RCC1: variants seen among roughly 807,000 people sequenced by gnomAD.
RCC1 encodes the protein regulator of chromosome condensation 1.
Under a neutral mutation model 44.4 loss-of-function variants are expected in RCC1, and 11 were observed. The ratio of observed to expected loss-of-function variants is 0.25; its 90% CI spans 0.16 to 0.41. The LOEUF (loss-of-function observed/expected upper bound fraction) is 0.41, where lower values mean the gene tolerates loss of function less well. Among genes scored for constraint, RCC1 ranks in the 10% least tolerant of loss-of-function variants. The pLI, the probability that RCC1 is intolerant of heterozygous loss-of-function variation, is 1.00. For synonymous variants in RCC1, 213 were observed against 216.5 expected (o/e 0.98, Z 0.14); for missense variants, 386 against 547.1 (o/e 0.71, Z 2.94).
chr1:28,529,693 T>C (rs1487623946), intron 4 of RCC1, among the ~76,000 whole-genome samples, 165 bp from the exon 5 acceptor site: 1 of 149,372 alleles, frequency 6.7e-6, no homozygotes, highest in Non-Finnish European at 1.5e-5. Context: ...TTTGTGTAAT[T>C]AATCTGTGGG....
intron 4 of RCC1, among the ~76,000 whole-genome samples, chr1:28,528,139 G>A (rs938065540): frequency 6.6e-6 from 1 of 151,898 alleles, no homozygotes; most frequent in African/African-American, 2.4e-5. Context: ...GGCCAACATG[G>A]TGAAACCCCG....
intron 7 of RCC1, among the ~76,000 whole-genome samples, chr1:28,534,656 T>C (rs1335126034): frequency 6.6e-6 from 1 of 152,110 alleles, no homozygotes; most frequent in African/African-American, 2.4e-5. Flanking sequence ...AATTTTTGTA[T>C]TTTTTGTAGG....
At chr1:28,537,184 C>G (rs1664606697) in intron 12 of RCC1, among the ~76,000 whole-genome samples, 3 of 152,170 alleles carry the variant, frequency 2.0e-5, no homozygotes, top group Admixed American at 1.3e-4. Flanking sequence ...ACCCAAGTCT[C>G]CAGACTCCTA....
chr1:28,534,994 T>C, intron 7 of RCC1, 56 bp from the exon 8 acceptor site: 1 of 1,431,998 alleles, frequency 7.0e-7, no homozygotes, highest in Non-Finnish European at 9.9e-7. Context: ...CTTCTGGATT[T>C]CACTGGCACG....
In RCC1 at chr1:28,538,136, A is replaced by C; in HGVS notation, c.*129A>C. 1.3e-4 allele frequency: 98 copies of C among 755,414 alleles called. No individual in the cohort carries two copies. The highest frequency in any genetic ancestry group is 1.8e-4 in the East Asian group (6 of 34,224). The allele number at this position is 755,414 out of a possible 1,614,324, so 46.8% of individuals were successfully genotyped here. On this transcript the variant is annotated 3_prime_UTR_variant, in exon 13 of 13. Coordinates refer to ENST00000683442, the MANE Select transcript of RCC1 (RefSeq NM_001381865.2). ...ACTGTGTCAGTTCCTGCCTTTTCTCATCAGCAGAACAGAATCCTTTTCCTC... is the reference window on the plus strand; with the variant it reads ...ACTGTGTCAGTTCCTGCCTTTTCTCCTCAGCAGAACAGAATCCTTTTCCTC...
intron 6 of RCC1, 74 bp downstream of exon 6, chr1:28,532,064 C>A: frequency 6.4e-7 from 1 of 1,560,026 alleles, no homozygotes; most frequent in Non-Finnish European, 8.7e-7. Context: ...TTTTGAACCA[C>A]GCATGTTCAC....
chr1:28,537,687 C>A, intron 12 of RCC1, 145 bp from the exon 13 acceptor site: 1 of 762,330 alleles, frequency 1.3e-6, no homozygotes, highest in Non-Finnish European at 2.1e-6. Flanking sequence ...GTTCTCCCAA[C>A]TTCCCTGAAC....
In RCC1 at chr1:28,537,305, T is replaced by C. The variant is rs140920247; in HGVS notation, c.1090+406T>C. Among the ~76,000 whole-genome samples the C allele has an allele frequency of 1.8e-4, 28 of 151,958 alleles. 1 individual carries two copies. The East Asian group carries it at 5.4e-3, about 29-fold the overall frequency. On this transcript the variant is annotated intron_variant, in intron 12 of 12. Transcript: ENST00000683442. ...TAAATCAAGAAAAAAAAAGGCTTAG[T>C]AGTCAGAGTTGTAGCAACTATAGCA...
chr1:28,510,001 A>G (rs1490837736), intron 3 of RCC1: 4 of 152,162 alleles, frequency 2.6e-5, no homozygotes, highest in South Asian at 2.1e-4. Flanking sequence ...TGCTTGCCTC[A>G]TGACGTGAGT....
chr1:28,508,349 C>T (rs576201121), intron 2 of RCC1, 189 bp downstream of exon 2: 132 of 354,672 alleles, frequency 3.7e-4, no homozygotes, highest in African/African-American at 2.6e-3. Context: ...ATAACTTCAA[C>T]ATATGCTCTG....
intron 3 of RCC1, chr1:28,510,289 A>T (rs1410536561): frequency 6.6e-6 from 1 of 152,258 alleles, no homozygotes; most frequent in East Asian, 1.9e-4. Flanking sequence ...ATTGTGGGGG[A>T]ACACAGCTTG....
chr1:28,530,501 A>T, intron 5 of RCC1: 1 of 1,593,808 alleles, frequency 6.3e-7, no homozygotes, highest in Non-Finnish European at 8.5e-7. Flanking sequence ...ACCCACGCTC[A>T]GACAGTGTCT....
chr1:28,530,440 G>T (rs899926531), intron 5 of RCC1: 5 of 1,300,810 alleles, frequency 3.8e-6, no homozygotes, highest in Non-Finnish European at 5.3e-6. Flanking sequence ...GACCCCGGAG[G>T]GGGACAGGGA....
intron 4 of RCC1, among the ~76,000 whole-genome samples, chr1:28,520,382 G>A (rs74065008): frequency 0.083 from 12,582 of 152,182 alleles, 1,049 homozygotes; most frequent in African/African-American, 0.22. Context: ...ACCAGGCTCC[G>A]GGCAGACTGT....
At position 28,530,460 on chromosome 1, in the gene RCC1, A is replaced by G. The variant is rs566845450; in HGVS notation, c.73+521A>G. The G allele has an allele frequency of 2.7e-6, 4 of 1,473,394 alleles. No individual in the cohort carries two copies. In the East Asian group the frequency reaches 9.4e-5, roughly 35 times the overall value. The allele number at this position is 1,473,394 out of a possible 1,614,324, so 91.3% of individuals were successfully genotyped here. On this transcript the variant is annotated intron_variant, in intron 5 of 12. Coordinates refer to ENST00000683442, the MANE Select transcript of RCC1 (RefSeq NM_001381865.2). ...CGGAGGGGGACAGGGAGGAGAGAAA[A>G]GCCAGCACCAAACTGGGAGGGGAAG... is the stretch of plus-strand genomic sequence containing the variant.
intron 4 of RCC1, among the ~76,000 whole-genome samples, chr1:28,528,193 C>T (rs1039276450): frequency 2.0e-5 from 3 of 151,724 alleles, no homozygotes; most frequent in Admixed American, 2.0e-4. Flanking sequence ...CAGTGGCTCA[C>T]GCCTATAATT....
rs528474745 is a variant in RCC1 at position 28,524,561 on chromosome 1, AAAAAT to A, written c.-9-5287_-9-5283del. 1.1e-3 allele frequency among the ~76,000 whole-genome samples: 163 copies of A among 152,276 alleles called. 5 individuals are homozygous for A. The South Asian group carries it at 0.031, about 29-fold the overall frequency. On this transcript the variant is annotated intron_variant, in intron 4 of 12. Coordinates refer to ENST00000683442, the MANE Select transcript of RCC1 (RefSeq NM_001381865.2). ...GACAGAGTGAGACCCCCTCTCTTAA[AAAAAT>A]AAAATAAAAGGCCAGGCATGGTGGC...
chr1:28,514,766 A>C (rs975904538), intron 3 of RCC1, among the ~76,000 whole-genome samples: 1 of 152,030 alleles, frequency 6.6e-6, no homozygotes, highest in Non-Finnish European at 1.5e-5. Flanking sequence ...CATCTCAAAA[A>C]AAAAAAACAA....
intron 3 of RCC1, chr1:28,510,788 GGAA>G (rs1304411914): frequency 1.3e-5 from 2 of 152,338 alleles, no homozygotes; most frequent in African/African-American, 2.4e-5. Flanking sequence ...TCCCTGCTCA[GGAA>G]GAAGCCAGAT....
Sources: gnomAD v4.1 joint callset for allele counts (sites outside exome capture counted in the v4.1 genomes callset) on GRCh38, gnomAD v4.1.1 for gene constraint, MANE v1.5 for transcripts, NCBI Gene and HGNC (gene_info 2026-07-23, HGNC 2026-07-21) for gene names.